MTMR3: variants seen among roughly 807,000 people sequenced by gnomAD.
MTMR3 encodes myotubularin related protein 3.
In MTMR3, 32 loss-of-function variants were observed where a neutral mutation model predicts 132.4. The observed-to-expected ratio is 0.24, with a 90% CI of 0.18 to 0.32. The LOEUF is 0.32. Ranked by LOEUF, MTMR3 falls within the 10% of genes least tolerant of loss-of-function variation. The pLI is 1.00. For synonymous variants in MTMR3, 556 were observed against 550.3 expected (o/e 1.01, Z -0.14); for missense variants, 1,216 against 1,489.6 (o/e 0.82, Z 3.02).
intron 2 of MTMR3, among the ~76,000 whole-genome samples, chr22:29,967,459 G>T (rs2412960): frequency 0.8 from 120,246 of 150,926 alleles, 48,535 homozygotes; most frequent in African/African-American, 0.93. Flanking sequence ...GTTGAACTCT[G>T]GGGCTCAAGC....
chr22:29,912,693 C>G (rs2065237097), intron 1 of MTMR3, among the ~76,000 whole-genome samples: 1 of 152,098 alleles, frequency 6.6e-6, no homozygotes, highest in Admixed American at 6.5e-5. Context: ...AGGTGAGTAC[C>G]TAAAAGATTC....
chr22:29,938,816 CTTTTA>C (rs980696603), intron 1 of MTMR3, among the ~76,000 whole-genome samples: 3 of 151,910 alleles, frequency 2.0e-5, no homozygotes, highest in Admixed American at 6.6e-5. Context: ...ATTTTCTTTA[CTTTTA>C]TTTTATTATT....
intron 1 of MTMR3, among the ~76,000 whole-genome samples, chr22:29,950,284 A>C (rs950217089): frequency 6.6e-6 from 1 of 152,160 alleles, no homozygotes; most frequent in African/African-American, 2.4e-5. Flanking sequence ...CTCAGATTTA[A>C]GTATGTCTTT....
At chr22:30,017,844 G>A (rs2067636798) in intron 15 of MTMR3, 83 bp from the exon 16 acceptor site, 2 of 1,566,140 alleles carry the variant, frequency 1.3e-6, no homozygotes, top group Non-Finnish European at 1.7e-6. Context: ...TTCCAGCTGG[G>A]TGCTTGCTCT....
intron 1 of MTMR3, among the ~76,000 whole-genome samples, chr22:29,940,161 C>T (rs36597): frequency 0.078 from 11,818 of 152,018 alleles, 543 homozygotes; most frequent in African/African-American, 0.092. Flanking sequence ...CCAGCTACTC[C>T]GGAGGCTGAG....
rs562733328 is a variant in MTMR3 at position 29,955,883 on chromosome 22, C to G, written c.-137-1153C>G. On this transcript the variant is annotated intron_variant, in intron 1 of 19. Coordinates refer to ENST00000401950, the MANE Select transcript of MTMR3 (RefSeq NM_021090.4). Reference sequence around the variant, plus strand: ...TCTTGTGCCTCAGCCTCCTGAGTAGCTGGGACTACAGGTGTGCCCCACCAC... The same window carrying G: ...TCTTGTGCCTCAGCCTCCTGAGTAGGTGGGACTACAGGTGTGCCCCACCAC... Among the ~76,000 whole-genome samples, 680 of 152,270 alleles carry G rather than the reference C, an allele frequency of 4.5e-3. 6 individuals carry two copies. Among genetic ancestry groups the G allele is most frequent in the African/African-American group, 0.015 (642 of 41,558 alleles).
chr22:29,909,828 G>A (rs964250520), intron 1 of MTMR3, among the ~76,000 whole-genome samples: 1 of 152,070 alleles, frequency 6.6e-6, no homozygotes, highest in African/African-American at 2.4e-5. Flanking sequence ...TCATTTTCTT[G>A]CCTCAGATCG....
intron 1 of MTMR3, among the ~76,000 whole-genome samples, chr22:29,889,337 G>T (rs2145700118): frequency 6.8e-6 from 1 of 147,804 alleles, no homozygotes; most frequent in Non-Finnish European, 1.5e-5. Context: ...ACTCAGGCTG[G>T]AATGCAGTGG....
intron 1 of MTMR3, among the ~76,000 whole-genome samples, chr22:29,914,437 A>G (rs2065271833): frequency 6.6e-6 from 1 of 152,190 alleles, no homozygotes; most frequent in Non-Finnish European, 1.5e-5. Context: ...TCATTAAAAT[A>G]GGTTGTTTTT....
chr22:30,008,861 T>C (rs1214759582), intron 11 of MTMR3, 157 bp from the exon 12 acceptor site: 2 of 525,408 alleles, frequency 3.8e-6, no homozygotes, highest in Non-Finnish European at 6.8e-6. Context: ...CCTCTTATTA[T>C]AAAGGATTGG....
At chr22:29,899,162 T>C (rs1307415197) in intron 1 of MTMR3, among the ~76,000 whole-genome samples, 1 of 152,208 alleles carries the variant, frequency 6.6e-6, no homozygotes, top group African/African-American at 2.4e-5. Context: ...GTTGTATACA[T>C]GCATTCATGG....
intron 7 of MTMR3, chr22:29,997,779 T>G (rs1312168689): frequency 2.0e-5 from 3 of 152,238 alleles, no homozygotes; most frequent in Non-Finnish European, 2.9e-5. Context: ...ATACCCTATT[T>G]GGTGTCTTGG....
At chr22:29,954,060 T>TG (rs386395187) in intron 1 of MTMR3, among the ~76,000 whole-genome samples, 2 of 9,646 alleles carry the variant, frequency 2.1e-4, no homozygotes, top group Non-Finnish European at 5.3e-4. Flanking sequence ...CAAATGAGTC[T>TG]TTTTTTTTTT....
intron 1 of MTMR3, among the ~76,000 whole-genome samples, chr22:29,893,211 T>C (rs1216511900): frequency 1.3e-5 from 2 of 152,232 alleles, no homozygotes; most frequent in East Asian, 1.9e-4. Flanking sequence ...CTTCATCTTA[T>C]GTGCACAGAA....
At chr22:30,018,901 C>G (rs557365304) in intron 16 of MTMR3, 2 of 151,996 alleles carry the variant, frequency 1.3e-5, no homozygotes, top group South Asian at 4.2e-4. Flanking sequence ...TGAAGAACGT[C>G]TTTTGGAAAT....
At chr22:29,987,470 A>G (rs569687349) in intron 5 of MTMR3, 1 of 152,348 alleles carries the variant, frequency 6.6e-6, no homozygotes, top group South Asian at 2.1e-4. Flanking sequence ...CATTTTGGCT[A>G]GACTTGATAC....
intron 1 of MTMR3, among the ~76,000 whole-genome samples, chr22:29,909,709 G>A (rs919601363): frequency 2.0e-4 from 30 of 152,128 alleles, no homozygotes; most frequent in African/African-American, 6.0e-4. Flanking sequence ...TTCATAAATA[G>A]TATGTCTCTC....
intron 1 of MTMR3, among the ~76,000 whole-genome samples, chr22:29,943,529 T>C (rs2065897742): frequency 6.6e-6 from 1 of 152,084 alleles, no homozygotes; most frequent in South Asian, 2.1e-4. Context: ...TGCCACTCTT[T>C]TAGTATATAA....
chr22:29,904,820 T>TTG lies in MTMR3; in HGVS notation c.-138+21481_-138+21482dup, dbSNP rs58144404. Among the ~76,000 whole-genome samples, 604 of 150,788 alleles carry TTG rather than the reference T, an allele frequency of 4.0e-3. 1 individual carries two copies. Among genetic ancestry groups the TTG allele is most frequent in the African/African-American group, 0.012 (489 of 40,974 alleles). ...ATGTTCAGAGGGGTATGTGTGTGTGTTGTGTGTGTGTGTGTGTGTGTCTTG... is the reference window on the plus strand; with the variant it reads ...ATGTTCAGAGGGGTATGTGTGTGTGTTGTGTGTGTGTGTGTGTGTGTGTCTTG... On this transcript the variant is annotated intron_variant, in intron 1 of 19. Transcript: ENST00000401950.
Sources: allele counts gnomAD v4.1 joint callset (sites outside exome capture counted in the v4.1 genomes callset), GRCh38; gene constraint gnomAD v4.1.1; transcripts MANE v1.5; gene names NCBI Gene and HGNC (gene_info 2026-07-23, HGNC 2026-07-21).